CDH18: variants seen among roughly 807,000 people sequenced by gnomAD.
CDH18 encodes the protein cadherin-18.
Under a neutral mutation model 67.9 loss-of-function variants are expected in CDH18, and 31 were observed. That is an observed-to-expected ratio of 0.46 (90% CI 0.34 to 0.62). CDH18 has a LOEUF of 0.62. Among genes scored for constraint, CDH18 ranks in the 20% least tolerant of loss-of-function variants. CDH18 has a pLI of 0.01. For synonymous variants in CDH18, 362 were observed against 347.2 expected (o/e 1.04, Z -0.48); for missense variants, 890 against 975.5 (o/e 0.91, Z 1.17).
intron 11 of CDH18, among the ~76,000 whole-genome samples, chr5:19,486,750 G>A (rs1247757064): frequency 3.3e-5 from 5 of 152,122 alleles, no homozygotes; most frequent in African/African-American, 9.7e-5. Flanking sequence ...CCGAGATCAC[G>A]CCATTGCATG....
At chr5:19,736,567 C>T (rs1215553613) in intron 4 of CDH18, among the ~76,000 whole-genome samples, 3 of 152,022 alleles carry the variant, frequency 2.0e-5, no homozygotes, top group Admixed American at 2.0e-4. Flanking sequence ...TTACATTCCA[C>T]GTTGCTTATT....
At chr5:20,406,283 G>A (rs554456092) in intron 1 of CDH18, among the ~76,000 whole-genome samples, 81 of 152,170 alleles carry the variant, frequency 5.3e-4, no homozygotes, top group African/African-American at 1.8e-3. Flanking sequence ...GTCCTTTGTC[G>A]GGACATGGAT....
intron 2 of CDH18, among the ~76,000 whole-genome samples, chr5:20,042,791 G>A (rs1460495275): frequency 2.0e-5 from 3 of 151,888 alleles, no homozygotes; most frequent in African/African-American, 7.3e-5. Context: ...GTGTAACACC[G>A]TCTCTACTAA....
intron 1 of CDH18, among the ~76,000 whole-genome samples, chr5:19,987,253 AACACACACACACACACACACAC>A (rs10654722): frequency 1.4e-5 from 2 of 144,356 alleles, no homozygotes; most frequent in African/African-American, 5.1e-5. Context: ...CTGTACAGAC[AACACACACACACACACACACAC>A]ACACACACAC....
At chr5:19,559,921 C>CAAAAAA (rs371611637) in intron 8 of CDH18, among the ~76,000 whole-genome samples, 2 of 131,612 alleles carry the variant, frequency 1.5e-5, no homozygotes, top group Admixed American at 7.5e-5. Flanking sequence ...GTTGCAAAAA[C>CAAAAAA]AAACAAAAAA....
At chr5:20,468,811 A>G (rs532836331) in intron 1 of CDH18, among the ~76,000 whole-genome samples, 1 of 152,336 alleles carries the variant, frequency 6.6e-6, no homozygotes, top group Non-Finnish European at 1.5e-5. Context: ...TTAAGTAGGG[A>G]ACATATAAAA....
intron 1 of CDH18, among the ~76,000 whole-genome samples, chr5:20,436,601 T>C (rs533695181): frequency 5.2e-4 from 79 of 151,606 alleles, no homozygotes; most frequent in African/African-American, 1.9e-3. Flanking sequence ...AAGTATTTCT[T>C]AAATATATAT....
At chr5:20,445,050 G>C (rs924523932) in intron 1 of CDH18, among the ~76,000 whole-genome samples, 1 of 152,100 alleles carries the variant, frequency 6.6e-6, no homozygotes, top group African/African-American at 2.4e-5. Flanking sequence ...TCAAAAAGAT[G>C]TAACTTCTAG....
At chr5:20,056,680 C>CTTTTTTTTTTTTT (rs397758122) in intron 2 of CDH18, among the ~76,000 whole-genome samples, 10 of 70,022 alleles carry the variant, frequency 1.4e-4, no homozygotes, top group African/African-American at 4.3e-4. Context: ...TCTATATTCT[C>CTTTTTTTTTTTTT]TTTTTTTTTT....
intron 11 of CDH18, among the ~76,000 whole-genome samples, chr5:19,501,562 C>A (rs565446418): frequency 1.5e-4 from 22 of 150,776 alleles, no homozygotes; most frequent in East Asian, 1.4e-3. Flanking sequence ...CAAAATTATT[C>A]TGTTTTTTCT....
intron 1 of CDH18, among the ~76,000 whole-genome samples, chr5:20,411,980 T>G (rs1033947620): frequency 1.3e-5 from 2 of 152,194 alleles, no homozygotes; most frequent in Non-Finnish European, 2.9e-5. Context: ...ACAGATTCAC[T>G]GCAATTTCTA....
intron 2 of CDH18, among the ~76,000 whole-genome samples, chr5:20,163,212 A>G (rs1014312957): frequency 7.2e-5 from 11 of 152,086 alleles, no homozygotes; most frequent in Non-Finnish European, 1.5e-4. Flanking sequence ...GTATATTTCT[A>G]TAAGCAACTC....
intron 1 of CDH18, among the ~76,000 whole-genome samples, chr5:20,441,612 A>G (rs1251939363): frequency 1.3e-5 from 2 of 152,052 alleles, no homozygotes; most frequent in Non-Finnish European, 2.9e-5. Flanking sequence ...AATAGAGTCA[A>G]TATAATTCTC....
rs57748484 is a variant in CDH18, at chr5:20,241,895, T to TAC, written c.-518+13548_-518+13549insGT. 8.6e-3 allele frequency among the ~76,000 whole-genome samples: 1,201 copies of TAC among 139,578 alleles called. 29 individuals are homozygous for TAC. Among genetic ancestry groups the TAC allele is most frequent in the African/African-American group, 0.031 (1,156 of 36,722 alleles). 91.6% of individuals were successfully genotyped at this position (139,578 alleles called of 152,430 possible). A position where few individuals can be genotyped will look rare whatever the true frequency, so the allele number is the denominator to read the frequency against. ...ATAAAATAAAATATATATATATGTATATATATATATATATTGCTTAGTCAG... is the reference window on the plus strand; with the variant it reads ...ATAAAATAAAATATATATATATGTATACATATATATATATATTGCTTAGTCAG... On this transcript the variant is annotated intron_variant, in intron 2 of 14. Transcript: ENST00000507958.
chr5:20,439,826 G>T (rs138925025), intron 1 of CDH18, among the ~76,000 whole-genome samples: 8 of 151,746 alleles, frequency 5.3e-5, no homozygotes. Context: ...TTCAGCTTTA[G>T]ATATAATTTT....
intron 5 of CDH18, among the ~76,000 whole-genome samples, chr5:19,713,944 G>T (rs1283435066): frequency 6.6e-6 from 1 of 152,082 alleles, no homozygotes; most frequent in Non-Finnish European, 1.5e-5. Flanking sequence ...ACCTGCCTGG[G>T]CAGTGCACTG....
chr5:20,152,939 A>ATTTTT (rs34475393), intron 2 of CDH18, among the ~76,000 whole-genome samples: 1 of 125,904 alleles, frequency 7.9e-6, no homozygotes, highest in Non-Finnish European at 1.6e-5. Context: ...AGGATGAGGA[A>ATTTTT]TTTTTTTTTT....
chr5:20,549,646 A>G (rs991197053), intron 1 of CDH18, among the ~76,000 whole-genome samples: 3 of 152,156 alleles, frequency 2.0e-5, no homozygotes, highest in Non-Finnish European at 4.4e-5. Context: ...TCTTTGAAGT[A>G]TTATTTCACT....
chr5:20,402,458 A>G (rs1745854483), intron 1 of CDH18, among the ~76,000 whole-genome samples: 2 of 152,208 alleles, frequency 1.3e-5, no homozygotes, highest in African/African-American at 4.8e-5. Flanking sequence ...CAGGAAAAAA[A>G]TGTACGCAAG....
Sources: gnomAD v4.1 joint callset for allele counts (sites outside exome capture counted in the v4.1 genomes callset) on GRCh38, gnomAD v4.1.1 for gene constraint, MANE v1.5 for transcripts, NCBI Gene and HGNC (gene_info 2026-07-23, HGNC 2026-07-21) for gene names.